Variants in ANK2 observed in about 807,000 individuals in gnomAD.
ANK2 encodes ankyrin-2.
In ANK2, 83 loss-of-function variants were observed where a neutral mutation model predicts 360.5. The observed-to-expected ratio is 0.23, with a 90% confidence interval of 0.19 to 0.28. The LOEUF (loss-of-function observed/expected upper bound fraction) is 0.28. ANK2 is among the 10% of genes least tolerant of loss of function. The pLI is 1.00. For synonymous variants in ANK2, 1,740 were observed against 1,759.5 expected (o/e 0.99, Z 0.28); for missense variants, 4,201 against 4,795.7 (o/e 0.88, Z 3.66).
At chr4:112,891,559 T>C (rs984325337) in intron 1 of ANK2, among the ~76,000 whole-genome samples, 5 of 152,194 alleles carry the variant, frequency 3.3e-5, no homozygotes, top group Non-Finnish European at 7.4e-5. Flanking sequence ...GCTTAGTAGT[T>C]AGAAGTAGCA....
the ANK2 span, among the ~76,000 whole-genome samples, chr4:112,730,347 A>C: frequency 6.6e-6 from 1 of 151,714 alleles, no homozygotes; most frequent in South Asian, 2.1e-4. Context: ...GTACATTTGA[A>C]AATTGCTGGC....
At chr4:112,999,540 ATT>A (rs1375073474) in intron 2 of ANK2, among the ~76,000 whole-genome samples, 1 of 152,104 alleles carries the variant, frequency 6.6e-6, no homozygotes, top group African/African-American at 2.4e-5. Context: ...CTTTTGAAAT[ATT>A]TTGTGCTTTT....
intron 1 of ANK2, among the ~76,000 whole-genome samples, chr4:113,137,320 C>T (rs1437816116): frequency 1.3e-5 from 2 of 152,024 alleles, no homozygotes; most frequent in Admixed American, 1.3e-4. Flanking sequence ...AAAATAGTGG[C>T]AAAGGGATGG....
chr4:113,185,552 G>A (rs1036531038), intron 2 of ANK2, among the ~76,000 whole-genome samples: 2 of 152,070 alleles, frequency 1.3e-5, no homozygotes, highest in Non-Finnish European at 2.9e-5. Context: ...CCCACTTTTT[G>A]ATGGCATTGT....
chr4:113,022,035 C>T (rs1332125186), intron 2 of ANK2, among the ~76,000 whole-genome samples: 2 of 151,870 alleles, frequency 1.3e-5, no homozygotes, highest in Admixed American at 1.3e-4. Context: ...ATATGTAAAC[C>T]TTGACATAAA....
intron 2 of ANK2, among the ~76,000 whole-genome samples, chr4:112,915,754 C>CCCAA (rs1553991582): frequency 7.1e-6 from 1 of 141,270 alleles, no homozygotes; most frequent in African/African-American, 2.7e-5. Flanking sequence ...GACTCTGTTT[C>CCCAA]AAAAAAAAAA....
intron 30 of ANK2, chr4:113,336,271 G>C: frequency 1.8e-6 from 1 of 549,778 alleles, no homozygotes. Context: ...TTAATCTCCA[G>C]CTACAAATGT....
intron 1 of ANK2, among the ~76,000 whole-genome samples, chr4:113,150,181 C>T (rs916116628): frequency 2.0e-5 from 3 of 152,236 alleles, no homozygotes; most frequent in Non-Finnish European, 4.4e-5. Flanking sequence ...TGCTTTCACA[C>T]AGGCTAATTA....
At chr4:113,365,008 C>T (rs745650364) in intron 40 of ANK2, 31 bp from the exon 41 acceptor site, 2 of 1,612,938 alleles carry the variant, frequency 1.2e-6, no homozygotes, top group Non-Finnish European at 1.7e-6. Context: ...ACCTCTCAGA[C>T]ATAATAAATG....
intron 36 of ANK2, 62 bp downstream of exon 36, chr4:113,348,370 C>A: frequency 6.4e-7 from 1 of 1,551,542 alleles, no homozygotes; most frequent in Non-Finnish European, 8.9e-7. Context: ...CTAATAAGAG[C>A]ACATAGTTAA....
At chr4:113,124,795 G>A (rs2095565521) in intron 1 of ANK2, among the ~76,000 whole-genome samples, 1 of 151,798 alleles carries the variant, frequency 6.6e-6, no homozygotes, top group South Asian at 2.1e-4. Context: ...CTTATCATAG[G>A]GGAACACCTC....
At chr4:112,778,778 A>G in the ANK2 span, among the ~76,000 whole-genome samples, 1 of 152,184 alleles carries the variant, frequency 6.6e-6, no homozygotes, top group Non-Finnish European at 1.5e-5. Context: ...TGGCTGTTAG[A>G]TAACCACCCA....
In ANK2 at chr4:113,354,322, C is replaced by T; in HGVS notation, c.5704C>T (p.Pro1902Ser). The T allele has an allele frequency of 1.9e-6, 3 of 1,614,110 alleles. No homozygotes were observed. The highest frequency in any genetic ancestry group is 2.5e-6 in the Non-Finnish European group (3 of 1,179,994). ...PVSSTKTERH[P>S]PVSPSGKTDK... ...GTCATCTACAAAAACAGAAAGACACCCACCTGTTTCGCCTTCAGGCAAAAC... is the reference window on the plus strand; with the variant it reads ...GTCATCTACAAAAACAGAAAGACACTCACCTGTTTCGCCTTCAGGCAAAAC... The change falls in exon 38 of 46, where the codon CCA becomes TCA. Residue 1902 changes from proline to serine, a missense_variant. This residue lies in a region of ANK2 where 2,642 missense variants were observed against 2,714.5 expected (regional missense o/e 0.97). Transcript: ENST00000357077.
intron 1 of ANK2, among the ~76,000 whole-genome samples, chr4:113,143,995 C>G (rs72673430): frequency 0.12 from 17,835 of 152,198 alleles, 1,168 homozygotes; most frequent in South Asian, 0.15. Context: ...CATCATCTTT[C>G]TGAATGCTTT....
upstream of ANK2, among the ~76,000 whole-genome samples, chr4:112,816,501 TA>T (rs2055647790): frequency 6.6e-6 from 1 of 151,980 alleles, no homozygotes; most frequent in Admixed American, 6.6e-5. Flanking sequence ...ATTATTTCCA[TA>T]AAAATATGCA....
the ANK2 span, among the ~76,000 whole-genome samples, chr4:112,812,819 T>G: frequency 6.6e-6 from 1 of 152,210 alleles, no homozygotes; most frequent in Non-Finnish European, 1.5e-5. Flanking sequence ...TTCAGTAATT[T>G]CCTTGCTTTC....
At chr4:112,866,240 A>G (rs2070474725) in intron 1 of ANK2, among the ~76,000 whole-genome samples, 1 of 152,216 alleles carries the variant, frequency 6.6e-6, no homozygotes, top group Admixed American at 6.5e-5. Context: ...TAGACAAGAA[A>G]AAAATCCTTA....
At chr4:113,248,151 A>G (rs897925946) in intron 9 of ANK2, among the ~76,000 whole-genome samples, 2 of 152,228 alleles carry the variant, frequency 1.3e-5, no homozygotes, top group Non-Finnish European at 2.9e-5. Context: ...AATGGATTTC[A>G]CAAAGCAAAG....
intron 1 of ANK2, among the ~76,000 whole-genome samples, chr4:113,089,954 G>A (rs11735784): frequency 0.19 from 29,274 of 152,160 alleles, 3,738 homozygotes; most frequent in Non-Finnish European, 0.29. Context: ...GTAATAATAT[G>A]TGGTATTTTT....
Sources: allele counts gnomAD v4.1 joint callset (sites outside exome capture counted in the v4.1 genomes callset), GRCh38; gene constraint gnomAD v4.1.1; regional missense constraint gnomAD v4.1.1; transcripts MANE v1.5; gene names NCBI Gene and HGNC (gene_info 2026-07-23, HGNC 2026-07-21).